The following LMAN2L variants were observed in gnomAD, a reference collection of about 807,000 sequenced individuals.
LMAN2L encodes lectin, mannose binding 2 like, also known as VIP36-like protein.
A neutral mutation model predicts 44.3 loss-of-function variants in LMAN2L; 30 were observed. The observed-to-expected ratio is 0.68, with a 90% CI of 0.51 to 0.92. The LOEUF is 0.92. Among genes scored for constraint, LMAN2L ranks in the 40% least tolerant of loss-of-function variants. The pLI, the probability that LMAN2L is intolerant of heterozygous loss-of-function variation, is 0.00. For synonymous variants in LMAN2L, 183 were observed against 171.1 expected (o/e 1.07, Z -0.54); for missense variants, 429 against 446.1 (o/e 0.96, Z 0.35).
At chr2:96,726,316 AAT>A (rs2078270686) in intron 4 of LMAN2L, among the ~76,000 whole-genome samples, 1 of 151,814 alleles carries the variant, frequency 6.6e-6, no homozygotes, top group Non-Finnish European at 1.5e-5. Context: ...TGCAAATAGA[AAT>A]AGTTTTACTT....
At chr2:96,720,878 G>A (rs1235258419) in intron 4 of LMAN2L, among the ~76,000 whole-genome samples, 1 of 152,168 alleles carries the variant, frequency 6.6e-6, no homozygotes, top group African/African-American at 2.4e-5. Flanking sequence ...GATGGACGTT[G>A]CAGTGAGCCA....
chr2:96,736,455 G>A (rs1370184880), intron 2 of LMAN2L, among the ~76,000 whole-genome samples: 1 of 152,154 alleles, frequency 6.6e-6, no homozygotes, highest in African/African-American at 2.4e-5. Flanking sequence ...AAAAAGGGAA[G>A]AACTAGAGGC....
intron 4 of LMAN2L, among the ~76,000 whole-genome samples, chr2:96,723,027 A>AG (rs1318315823): frequency 1.3e-5 from 2 of 152,232 alleles, no homozygotes; most frequent in Non-Finnish European, 2.9e-5. Context: ...CTCAAAAAAA[A>AG]AAAAGTTTTG....
chr2:96,738,449 A>G (rs2078561629), intron 1 of LMAN2L, among the ~76,000 whole-genome samples: 1 of 152,056 alleles, frequency 6.6e-6, no homozygotes, highest in Non-Finnish European at 1.5e-5. Flanking sequence ...GATGATGTGG[A>G]GGGAGGGCAT....
At chr2:96,719,768 ATTC>A (rs2078113131) in intron 4 of LMAN2L, among the ~76,000 whole-genome samples, 1 of 152,072 alleles carries the variant, frequency 6.6e-6, no homozygotes, top group Non-Finnish European at 1.5e-5. Flanking sequence ...TAATTGTTGT[ATTC>A]TTATTAGAGA....
At position 96,728,797 on chromosome 2, in the gene LMAN2L, A is replaced by G. The variant is rs187894143; in HGVS notation, c.507+4722T>C. The stretch of plus-strand genomic sequence containing the variant: ...CTAAGGCAGGAGAATCACTGAACCC[A>G]GGAGGCGGAGGTTGCAGTGAGCCGA... On this transcript the variant is annotated intron_variant, in intron 4 of 7. Coordinates refer to ENST00000264963, the MANE Select transcript of LMAN2L (RefSeq NM_030805.4). Among the ~76,000 whole-genome samples the G allele has an allele frequency of 3.5e-3, 537 of 151,840 alleles. 3 individuals are homozygous for G. The highest frequency in any genetic ancestry group is 0.012 in the African/African-American group (505 of 41,398).
At chr2:96,723,535 G>A (rs1422927098) in intron 4 of LMAN2L, among the ~76,000 whole-genome samples, 3 of 152,126 alleles carry the variant, frequency 2.0e-5, no homozygotes, top group African/African-American at 7.2e-5. Flanking sequence ...TTTTGATGAA[G>A]TTCAATTTAT....
chr2:96,727,760 C>G (rs867120233), intron 4 of LMAN2L, among the ~76,000 whole-genome samples: 4 of 152,194 alleles, frequency 2.6e-5, no homozygotes, highest in African/African-American at 9.7e-5. Context: ...CCTACCTGCT[C>G]CTTGTCTTCC....
intron 4 of LMAN2L, among the ~76,000 whole-genome samples, chr2:96,713,585 G>A (rs1358294382): frequency 6.6e-6 from 1 of 152,046 alleles, no homozygotes; most frequent in East Asian, 1.9e-4. Flanking sequence ...GAGACAACAG[G>A]GCTAAATTCT....
chr2:96,713,472 CAT>C (rs2077972426), intron 4 of LMAN2L, among the ~76,000 whole-genome samples: 1 of 152,172 alleles, frequency 6.6e-6, no homozygotes, highest in African/African-American at 2.4e-5. Flanking sequence ...TTATAAAACA[CAT>C]AGCAGTACGC....
In LMAN2L at chr2:96,706,875, T is replaced by C. The variant is rs1350316100; in HGVS notation, c.*381A>G. On this transcript the variant is annotated 3_prime_UTR_variant, in exon 8 of 8. Transcript: ENST00000264963. Reference sequence around the variant, plus strand: ...TGTGGTGTTACCAGTTTTTAATTCTTTGTGGATTCAAAACTGAAGTAGAAG... The same window carrying C: ...TGTGGTGTTACCAGTTTTTAATTCTCTGTGGATTCAAAACTGAAGTAGAAG... 6.4e-6 allele frequency: 1 copy of C among 156,290 alleles called. No homozygotes were observed. Among genetic ancestry groups the C allele is most frequent in the Non-Finnish European group, 1.4e-5 (1 of 70,870 alleles). 9.7% of individuals were successfully genotyped at this position (156,290 alleles called of 1,614,324 possible).
chr2:96,708,011 T>C (rs2077823404), intron 6 of LMAN2L, among the ~76,000 whole-genome samples, 178 bp from the exon 7 acceptor site: 1 of 152,238 alleles, frequency 6.6e-6, no homozygotes, highest in African/African-American at 2.4e-5. Context: ...GCATATTCTA[T>C]ATCTTCTGTA....
At chr2:96,723,932 T>C (rs2078213392) in intron 4 of LMAN2L, among the ~76,000 whole-genome samples, 1 of 150,936 alleles carries the variant, frequency 6.6e-6, no homozygotes. Context: ...ACTAAAAACA[T>C]ATATATTAAA....
At chr2:96,738,772 G>A (rs1003068268) in intron 1 of LMAN2L, among the ~76,000 whole-genome samples, 33 of 150,702 alleles carry the variant, frequency 2.2e-4, no homozygotes, top group African/African-American at 7.6e-4. Flanking sequence ...ATGGAGTCTC[G>A]CTCTGTTGCC....
chr2:96,712,173 G>A (rs2077941886), intron 4 of LMAN2L, 148 bp from the exon 5 acceptor site: 1 of 715,792 alleles, frequency 1.4e-6, no homozygotes, highest in Non-Finnish European at 2.3e-6. Context: ...GCCCCTGAGA[G>A]CCCACATTCA....
chr2:96,718,715 C>A (rs1414974070), intron 4 of LMAN2L, among the ~76,000 whole-genome samples: 1 of 152,116 alleles, frequency 6.6e-6, no homozygotes, highest in Non-Finnish European at 1.5e-5. Context: ...GGAGACAATA[C>A]CCATCCTATT....
At chr2:96,723,556 C>T (rs1421839954) in intron 4 of LMAN2L, among the ~76,000 whole-genome samples, 1 of 152,062 alleles carries the variant, frequency 6.6e-6, no homozygotes, top group East Asian at 1.9e-4. Flanking sequence ...CCTTTTCTTT[C>T]GTTGCTTTTT....
chr2:96,737,142 T>A (rs1019400435), intron 2 of LMAN2L: 1 of 456,308 alleles, frequency 2.2e-6, no homozygotes, highest in Non-Finnish European at 4.4e-6. Context: ...CTTACACTTG[T>A]ACAAAATCAC....
At chr2:96,732,788 T>G (rs1441348813) in intron 4 of LMAN2L, among the ~76,000 whole-genome samples, 1 of 149,092 alleles carries the variant, frequency 6.7e-6, no homozygotes, top group African/African-American at 2.5e-5. Flanking sequence ...CTTTTCTTTC[T>G]TTCTTTTTTT....
Sources: allele counts gnomAD v4.1 joint callset (sites outside exome capture counted in the v4.1 genomes callset), GRCh38; gene constraint gnomAD v4.1.1; transcripts MANE v1.5; gene names NCBI Gene and HGNC (gene_info 2026-07-23, HGNC 2026-07-21).